MARCHF1: variants seen among roughly 807,000 people sequenced by gnomAD.
MARCHF1 encodes membrane associated ring-CH-type finger 1.
In MARCHF1, 40 loss-of-function variants were observed where a neutral mutation model predicts 54.2. That is an observed-to-expected ratio of 0.74 (90% CI 0.57 to 0.96). The LOEUF (loss-of-function observed/expected upper bound fraction) is 0.96. MARCHF1 is among the 40% of genes least tolerant of loss of function. The probability of loss-of-function intolerance (pLI) is 0.00; values close to 1 mark genes in which losing one functional copy is unlikely to be tolerated. For synonymous variants in MARCHF1, 236 were observed against 236.3 expected, an observed-to-expected ratio of 1.00 and a Z score of 0.01; for missense variants, 586 against 656.5, an observed-to-expected ratio of 0.89 and a Z score of 1.17.
At chr4:163,762,428 G>A (rs919238063) in intron 4 of MARCHF1, among the ~76,000 whole-genome samples, 1 of 152,054 alleles carries the variant, frequency 6.6e-6, no homozygotes, top group African/African-American at 2.4e-5. Context: ...TTAGAAAAAT[G>A]ATCTTTTTTT....
Position 163,528,947 on chromosome 4 carries a change from T to C in MARCHF1, c.1439A>G (p.Gln480Arg). 5 of 1,613,346 alleles carry C rather than the reference T, an allele frequency of 3.1e-6. No homozygotes were observed. The highest frequency in any genetic ancestry group is 3.4e-6 in the Non-Finnish European group (4 of 1,179,572). Residue 480 changes from glutamine to arginine, a missense_variant, in exon 10 of 10, where the codon CAG becomes CGG. This residue lies in a region of MARCHF1 where 106 missense variants were observed against 93.8 expected (regional missense o/e 1.13). Transcript: ENST00000514618. ...FMYVQCKVYV[Q>R]LWRRLKAYNR... ...GTAGGCCTTCAGCCTGCGCCACAAC[T>C]GAACATAGACTTTACACTGTACGTA...
At chr4:164,117,660 G>A (rs192531954) in intron 1 of MARCHF1, among the ~76,000 whole-genome samples, 2 of 152,136 alleles carry the variant, frequency 1.3e-5, no homozygotes, top group Admixed American at 1.3e-4. Flanking sequence ...AGCACTTTGG[G>A]AGGCCAAGGC....
chr4:163,601,931 C>G (rs1010727314), intron 7 of MARCHF1, among the ~76,000 whole-genome samples: 4 of 150,950 alleles, frequency 2.6e-5, no homozygotes, highest in African/African-American at 4.9e-5. Flanking sequence ...ATTTGCCAGT[C>G]AAGATAATCA....
At chr4:164,271,485 G>A (rs1305322470) in intron 1 of MARCHF1, among the ~76,000 whole-genome samples, 2 of 152,214 alleles carry the variant, frequency 1.3e-5, no homozygotes, top group African/African-American at 4.8e-5. Context: ...TACCCTAGCC[G>A]CCAGAAAGAA....
intron 2 of MARCHF1, among the ~76,000 whole-genome samples, chr4:163,992,916 C>G (rs1752995531): frequency 6.6e-6 from 1 of 151,774 alleles, no homozygotes; most frequent in Non-Finnish European, 1.5e-5. Context: ...TATTTCACTA[C>G]AAATCCCTGG....
At chr4:164,037,367 C>A (rs1754027539) in intron 2 of MARCHF1, among the ~76,000 whole-genome samples, 1 of 151,954 alleles carries the variant, frequency 6.6e-6, no homozygotes, top group East Asian at 1.9e-4. Context: ...TCCCTGATTA[C>A]AATTATAGTT....
intron 8 of MARCHF1, among the ~76,000 whole-genome samples, chr4:163,574,083 ATG>A (rs1379779464): frequency 1.3e-5 from 2 of 151,982 alleles, no homozygotes; most frequent in African/African-American, 4.8e-5. Context: ...GCATTTTTTC[ATG>A]TGTTTTTTGG....
In MARCHF1 at chr4:163,560,285, A is replaced by G. The variant is rs1739426603; in HGVS notation, c.1192-14542T>C. ...TAGATAATTTTTTTACATTTATTAAAAACATCTTCCTTTCCCTGCTGAATT... is the reference window on the plus strand; with the variant it reads ...TAGATAATTTTTTTACATTTATTAAGAACATCTTCCTTTCCCTGCTGAATT... On this transcript the variant is annotated intron_variant, in intron 8 of 9. Transcript: ENST00000514618. 3.9e-5 allele frequency among the ~76,000 whole-genome samples: 6 copies of G among 152,174 alleles called. No homozygotes were observed. In the South Asian group the frequency reaches 1.2e-3, roughly 32 times the overall value.
At chr4:163,892,201 C>A (rs1302151816) in intron 3 of MARCHF1, among the ~76,000 whole-genome samples, 2 of 152,186 alleles carry the variant, frequency 1.3e-5, no homozygotes, top group African/African-American at 4.8e-5. Context: ...TGTTCCTCTA[C>A]TAGTCTACAA....
intron 3 of MARCHF1, among the ~76,000 whole-genome samples, chr4:163,934,576 TAAAAAAAA>T (rs551026107): frequency 1.3e-5 from 1 of 77,878 alleles, no homozygotes; most frequent in Admixed American, 1.6e-4. Context: ...TCTTTTTAAG[TAAAAAAAA>T]AAAAAAAAAA....
At chr4:164,366,650 G>T (rs1390108101) in intron 1 of MARCHF1, among the ~76,000 whole-genome samples, 2 of 151,564 alleles carry the variant, frequency 1.3e-5, no homozygotes, top group East Asian at 3.9e-4. Context: ...TTATCATTTT[G>T]ACAAAACTGT....
At chr4:164,199,667 CACACACACACACACAGAGAGAG>C (rs1312121539) in intron 1 of MARCHF1, among the ~76,000 whole-genome samples, 1,334 of 62,092 alleles carry the variant, frequency 0.021, 12 homozygotes, top group Non-Finnish European at 0.034. Flanking sequence ...CACACACACA[CACACACACACACACAGAGAGAG>C]AGAGAGAGAG....
intron 1 of MARCHF1, among the ~76,000 whole-genome samples, chr4:164,307,690 T>C (rs1193461343): frequency 6.6e-6 from 1 of 152,234 alleles, no homozygotes; most frequent in Non-Finnish European, 1.5e-5. Context: ...CATAAGAGAC[T>C]GGGCCAAATG....
intron 5 of MARCHF1, among the ~76,000 whole-genome samples, chr4:163,689,138 G>A (rs1022291565): frequency 6.6e-6 from 1 of 152,054 alleles, no homozygotes. Flanking sequence ...CAATACCACA[G>A]TTACAACAAT....
chr4:163,560,487 T>C lies in MARCHF1; in HGVS notation c.1192-14744A>G, dbSNP rs186615910. On this transcript the variant is annotated intron_variant, in intron 8 of 9. Coordinates refer to ENST00000514618, the MANE Select transcript of MARCHF1 (RefSeq NM_001394959.1). ...CTTCAATTTTGTCATTTTTCAAAGT[T>C]AACTTGGCTATTCTAGTTCTTTTGC... is the stretch of plus-strand genomic sequence containing the variant. Among the ~76,000 whole-genome samples the C allele has an allele frequency of 9.9e-4, 151 of 152,322 alleles. 1 individual carries two copies. The Middle Eastern group carries it at 0.017, about 17-fold the overall frequency.
intron 1 of MARCHF1, among the ~76,000 whole-genome samples, chr4:164,350,770 C>G (rs900023539): frequency 6.6e-6 from 1 of 152,064 alleles, no homozygotes; most frequent in African/African-American, 2.4e-5. Context: ...CCAAGATGGC[C>G]GAATAGGAAC....
chr4:164,304,007 C>CT (rs1329225754), intron 1 of MARCHF1, among the ~76,000 whole-genome samples: 2 of 152,168 alleles, frequency 1.3e-5, no homozygotes, highest in Non-Finnish European at 2.9e-5. Flanking sequence ...CTATGCAATA[C>CT]CTTCCAAACA....
intron 3 of MARCHF1, among the ~76,000 whole-genome samples, chr4:163,934,165 G>A (rs1200303244): frequency 1.3e-5 from 2 of 152,052 alleles, no homozygotes; most frequent in South Asian, 2.1e-4. Flanking sequence ...GACCACTACC[G>A]TGCACTGCTA....
intron 2 of MARCHF1, among the ~76,000 whole-genome samples, chr4:164,005,042 C>G (rs1007692487): frequency 6.6e-6 from 1 of 151,426 alleles, no homozygotes; most frequent in Non-Finnish European, 1.5e-5. Context: ...ATTAGTACAA[C>G]CAGAAGCTGA....
Sources: allele counts gnomAD v4.1 joint callset (sites outside exome capture counted in the v4.1 genomes callset), GRCh38; gene constraint gnomAD v4.1.1; regional missense constraint gnomAD v4.1.1; transcripts MANE v1.5; gene names NCBI Gene and HGNC (gene_info 2026-07-23, HGNC 2026-07-21).